The following MICU1 variants were observed in gnomAD, a reference collection of about 807,000 sequenced individuals.
MICU1 encodes the protein calcium uptake protein 1, mitochondrial.
MICU1 carries 45 observed loss-of-function variants against 56.8 expected under a neutral mutation model. The ratio of observed to expected loss-of-function variants is 0.79; its 90% CI spans 0.62 to 1.02. The LOEUF is 1.02. MICU1 is among the 50% of genes least tolerant of loss of function. MICU1 has a pLI of 0.00. For synonymous variants in MICU1, 186 were observed against 195.1 expected (o/e 0.95, Z 0.39); for missense variants, 504 against 587.1 (o/e 0.86, Z 1.46).
chr10:72,382,316 TG>T (rs1414291667), intron 10 of MICU1, among the ~76,000 whole-genome samples: 1 of 151,698 alleles, frequency 6.6e-6, no homozygotes, highest in African/African-American at 2.4e-5. Context: ...TTCGCCATGT[TG>T]GCTAGGCTGG....
At chr10:72,552,855 T>G (rs1840068653) in intron 3 of MICU1, among the ~76,000 whole-genome samples, 2 of 151,882 alleles carry the variant, frequency 1.3e-5, no homozygotes, top group Admixed American at 6.6e-5. Context: ...CGCCCAGCCT[T>G]TATTGATATT....
chr10:72,519,989 G>T (rs1277566270), intron 5 of MICU1, among the ~76,000 whole-genome samples: 1 of 151,974 alleles, frequency 6.6e-6, no homozygotes, highest in African/African-American at 2.4e-5. Flanking sequence ...GAAATCCTTG[G>T]GTTATTTTAG....
At chr10:72,402,593 C>A (rs569805601) in intron 10 of MICU1, among the ~76,000 whole-genome samples, 14 of 151,514 alleles carry the variant, frequency 9.2e-5, no homozygotes, top group African/African-American at 1.5e-4. Flanking sequence ...AAAAAACAAA[C>A]AAAAAACAAA....
At position 72,508,257 on chromosome 10, in the gene MICU1, C is replaced by T; in HGVS notation, c.550G>A (p.Glu184Lys). The T allele has an allele frequency of 6.6e-7, 1 of 1,504,170 alleles. No individual in the cohort carries two copies. The highest frequency in any genetic ancestry group is 9.0e-7 in the Non-Finnish European group (1 of 1,108,178). The allele number at this position is 1,504,170 out of a possible 1,614,324, so 93.2% of individuals were successfully genotyped here. The change falls in exon 6 of 12, where the codon GAA becomes AAA. Residue 184 changes from glutamate to lysine, a missense_variant. Physicochemically the swap from Glu to Lys is moderately conservative, Grantham distance 56. Transcript: ENST00000361114. ...CCTTCATCAGCAAATTTTTCTCGTT[C>T]CTGGGAAATTTTCTATAGAATGTAT... The part of the protein sequence containing the change: ...KRFDGKKISQ[E>K]REKFADEGSI...
At chr10:72,386,557 ATTTTT>A (rs34210330) in intron 10 of MICU1, among the ~76,000 whole-genome samples, 3 of 120,180 alleles carry the variant, frequency 2.5e-5, no homozygotes, top group African/African-American at 6.4e-5. Flanking sequence ...CCCGCCACCT[ATTTTT>A]TTTTTTTTTT....
At chr10:72,402,261 C>G (rs1288648039) in intron 10 of MICU1, among the ~76,000 whole-genome samples, 9 of 152,126 alleles carry the variant, frequency 5.9e-5, no homozygotes, top group African/African-American at 2.2e-4. Flanking sequence ...GGACTTCAGT[C>G]ACAACCCTGT....
At chr10:72,584,583 C>CG (rs1840993788) in intron 1 of MICU1, among the ~76,000 whole-genome samples, 1 of 150,480 alleles carries the variant, frequency 6.6e-6, no homozygotes, top group African/African-American at 2.5e-5. Context: ...GACAGGGTCT[C>CG]GCTCTGTTGC....
intron 5 of MICU1, among the ~76,000 whole-genome samples, chr10:72,525,854 G>A (rs977469788): frequency 6.6e-6 from 1 of 152,122 alleles, no homozygotes; most frequent in Non-Finnish European, 1.5e-5. Flanking sequence ...CAGTTATGTG[G>A]GAGAGCCTAT....
At chr10:72,442,569 T>G (rs1414130530) in intron 8 of MICU1, among the ~76,000 whole-genome samples, 1 of 152,226 alleles carries the variant, frequency 6.6e-6, no homozygotes, top group South Asian at 2.1e-4. Flanking sequence ...AAAAGACGAC[T>G]TGTTTTATGC....
At chr10:72,537,686 T>C (rs1839670710) in intron 4 of MICU1, among the ~76,000 whole-genome samples, 1 of 151,828 alleles carries the variant, frequency 6.6e-6, no homozygotes, top group South Asian at 2.1e-4. Flanking sequence ...ATCTTCTAAT[T>C]ATGGCAGTTG....
chr10:72,473,686 A>C (rs1056251529), intron 8 of MICU1, among the ~76,000 whole-genome samples: 2 of 152,030 alleles, frequency 1.3e-5, no homozygotes, highest in Non-Finnish European at 2.9e-5. Flanking sequence ...CAGACAGGGG[A>C]CTCCGCACAG....
At chr10:72,550,098 A>C (rs1839997368) in intron 4 of MICU1, among the ~76,000 whole-genome samples, 1 of 152,196 alleles carries the variant, frequency 6.6e-6, no homozygotes, top group African/African-American at 2.4e-5. Flanking sequence ...CTTTGTACCA[A>C]TAATAACATC....
intron 6 of MICU1, among the ~76,000 whole-genome samples, chr10:72,492,600 T>C (rs986395573): frequency 2.0e-5 from 3 of 151,028 alleles, no homozygotes; most frequent in Middle Eastern, 3.2e-3. Flanking sequence ...CTGTCTCTAA[T>C]AAAAATACAA....
chr10:72,550,561 G>A (rs1840010980), intron 4 of MICU1, among the ~76,000 whole-genome samples: 1 of 152,190 alleles, frequency 6.6e-6, no homozygotes, highest in Admixed American at 6.5e-5. Flanking sequence ...TGCTCTTGGG[G>A]AAATTCAGGG....
At chr10:72,598,843 TG>T (rs2132542495) in intron 1 of MICU1, among the ~76,000 whole-genome samples, 1 of 152,322 alleles carries the variant, frequency 6.6e-6, no homozygotes, top group East Asian at 1.9e-4. Context: ...CCCCATGAAA[TG>T]TAACCCTAAT....
In MICU1 at chr10:72,367,844, C is replaced by T. The variant is rs1311157382; in HGVS notation, c.*351G>A. 1.9e-5 allele frequency: 4 copies of T among 211,132 alleles called. No homozygotes were observed. Among genetic ancestry groups the T allele is most frequent in the Admixed American group, 5.3e-5 (1 of 18,752 alleles). The allele number at this position is 211,132 out of a possible 1,614,324, so 13.1% of individuals were successfully genotyped here. ...TGTTAGTATAAATCCATAGCAAAAA[C>T]GATTTGAGAACTGGATGCTTCCCAG... On this transcript the variant is annotated 3_prime_UTR_variant, in exon 12 of 12. Coordinates refer to ENST00000361114, the MANE Select transcript of MICU1 (RefSeq NM_001195518.2).
At chr10:72,392,523 A>T (rs1863112297) in intron 10 of MICU1, among the ~76,000 whole-genome samples, 1 of 152,152 alleles carries the variant, frequency 6.6e-6, no homozygotes, top group South Asian at 2.1e-4. Context: ...GTGAGCCAAG[A>T]TTGTACCACT....
intron 1 of MICU1, among the ~76,000 whole-genome samples, chr10:72,567,256 A>G (rs1489286836): frequency 1.1e-4 from 17 of 152,166 alleles, no homozygotes. Context: ...AGGTGAGAGC[A>G]CTACTTAAGC....
At chr10:72,392,814 C>T in intron 10 of MICU1, among the ~76,000 whole-genome samples, 1 of 152,206 alleles carries the variant, frequency 6.6e-6, no homozygotes, top group Non-Finnish European at 1.5e-5. Context: ...GAAAGAATCA[C>T]TAGTCCGGGT....
Sources: allele counts gnomAD v4.1 joint callset (sites outside exome capture counted in the v4.1 genomes callset), GRCh38; gene constraint gnomAD v4.1.1; transcripts MANE v1.5; gene names NCBI Gene and HGNC (gene_info 2026-07-23, HGNC 2026-07-21).